Variants in PREX1 observed in about 807,000 individuals in gnomAD.
The protein encoded by PREX1 is phosphatidylinositol 3,4,5-trisphosphate-dependent Rac exchanger 1 protein.
A neutral mutation model predicts 198.3 loss-of-function variants in PREX1; 41 were observed. The ratio of observed to expected loss-of-function variants is 0.21; its 90% CI spans 0.16 to 0.27. PREX1 has a LOEUF of 0.27. Among genes scored for constraint, PREX1 ranks in the 10% least tolerant of loss-of-function variants. PREX1 has a pLI of 1.00. For missense variants in PREX1, 1,620 were observed against 2,200.7 expected, an observed-to-expected ratio of 0.74 and a Z score of 5.28; for synonymous variants, 843 against 887.2, an observed-to-expected ratio of 0.95 and a Z score of 0.89.
chr20:48,747,778 C>T lies in PREX1; in HGVS notation c.291+31G>A, dbSNP rs765975538. The T allele has an allele frequency of 3.1e-6, 5 of 1,591,198 alleles. No homozygotes were observed. In the Admixed American group the frequency reaches 6.7e-5, roughly 21 times the overall value. ...CAAGGCACAAAGCAACACAGATGCT[C>T]TAGAACAGGGGCCAGCCCCAGCGTC... is the stretch of plus-strand genomic sequence containing the variant. On this transcript the variant is annotated intron_variant, in intron 2 of 39. Coordinates refer to ENST00000371941, the MANE Select transcript of PREX1 (RefSeq NM_020820.4).
chr20:48,651,613 A>G (rs1158780504), intron 21 of PREX1, 30 bp from the exon 22 acceptor site: 1 of 1,596,904 alleles, frequency 6.3e-7, no homozygotes, highest in Non-Finnish European at 8.6e-7. Flanking sequence ...ACATCTGAGC[A>G]GAGATCAGAG....
chr20:48,740,232 C>T (rs1789443236), intron 3 of PREX1, among the ~76,000 whole-genome samples: 1 of 152,166 alleles, frequency 6.6e-6, no homozygotes, highest in African/African-American at 2.4e-5. Flanking sequence ...GGAGAGTGGA[C>T]CCAGCACCTC....
At chr20:48,755,504 G>C (rs553456947) in intron 1 of PREX1, among the ~76,000 whole-genome samples, 214 of 152,332 alleles carry the variant, frequency 1.4e-3, no homozygotes, top group African/African-American at 5.1e-3. Context: ...AAGTATCCTT[G>C]TGGGTTGGGG....
Position 48,827,233 on chromosome 20 carries a change from A to C in PREX1, c.219+409T>G, listed in dbSNP as rs1247702256. Among the ~76,000 whole-genome samples, 1 of 152,192 alleles carries C rather than the reference A, an allele frequency of 6.6e-6. No individual in the cohort carries two copies. The highest frequency in any genetic ancestry group is 1.9e-4 in the East Asian group (1 of 5,194). On this transcript the variant is annotated intron_variant, in intron 1 of 39. Coordinates refer to ENST00000371941, the MANE Select transcript of PREX1 (RefSeq NM_020820.4). This position sits in a 1 kb window ranked among gnomAD's most constrained non-coding sequence, Gnocchi z 4.1. Reference sequence around the variant, plus strand: ...CGTTGGGCTCTGGGGCTCCTACGGTATGTCCTAGATGAGTGGTGCACCGGG... The same window carrying C: ...CGTTGGGCTCTGGGGCTCCTACGGTCTGTCCTAGATGAGTGGTGCACCGGG...
intron 3 of PREX1, 130 bp downstream of exon 3, chr20:48,744,895 C>T: frequency 8.0e-7 from 1 of 1,256,960 alleles, no homozygotes; most frequent in South Asian, 1.5e-5. Flanking sequence ...GGCCCACCTG[C>T]CCACCTTGCT....
rs544510864 is a variant in PREX1, at chr20:48,783,677, G to T, written c.220-35797C>A. ...CGAGAGCCCACAGCACCCTGACACC[G>T]TGTCTCAATCATACCCTGCCTGTCT... On this transcript the variant is annotated intron_variant, in intron 1 of 39. Transcript: ENST00000371941. 2.6e-5 allele frequency among the ~76,000 whole-genome samples: 4 copies of T among 152,142 alleles called. No homozygotes were observed. The East Asian group carries it at 7.7e-4, about 29-fold the overall frequency.
At position 48,660,041 on chromosome 20, in the gene PREX1, T is replaced by C; in HGVS notation, c.1759A>G (p.Arg587Gly). 1 of 1,614,184 alleles carries C rather than the reference T, an allele frequency of 6.2e-7. No homozygotes were observed. Among genetic ancestry groups the C allele is most frequent in the Non-Finnish European group, 8.5e-7 (1 of 1,180,038 alleles). The change falls in exon 16 of 40, where the codon AGG becomes GGG. Residue 587 changes from arginine to glycine, a missense_variant. This residue lies in a region of PREX1 where 488 missense variants were observed against 802.5 expected (regional missense o/e 0.61). Transcript: ENST00000371941. ...MHHVLEKSEF[R>G]DESQYFRFHA... Reference sequence around the variant, plus strand: ...AAGCGGAAGTACTGGGACTCATCCCTGAACTCGCTCTTCTCCAGCACTGCA... The same window carrying C: ...AAGCGGAAGTACTGGGACTCATCCCCGAACTCGCTCTTCTCCAGCACTGCA...
intron 11 of PREX1, 139 bp from the exon 12 acceptor site, chr20:48,679,893 C>G (rs2089737595): frequency 1.5e-6 from 1 of 672,254 alleles, no homozygotes; most frequent in Non-Finnish European, 2.6e-6. Flanking sequence ...GGCTTCACTG[C>G]TGGCCAGGCT....
chr20:48,703,358 G>A (rs1469007368), intron 6 of PREX1, among the ~76,000 whole-genome samples: 2 of 152,188 alleles, frequency 1.3e-5, no homozygotes, highest in Admixed American at 1.3e-4. Flanking sequence ...TTGGCTGGGG[G>A]CCAGGTGGGC....
intron 1 of PREX1, among the ~76,000 whole-genome samples, chr20:48,817,040 A>G (rs1185255132): frequency 2.6e-5 from 4 of 152,340 alleles, no homozygotes; most frequent in Middle Eastern, 3.4e-3. Context: ...CAAAACTGCA[A>G]GGCTGTAAAT....
intron 1 of PREX1, among the ~76,000 whole-genome samples, chr20:48,757,844 C>T (rs1026074684): frequency 5.9e-5 from 9 of 152,158 alleles, no homozygotes; most frequent in South Asian, 4.1e-4. Context: ...TTTAAAAATA[C>T]GTGCATTGGC....
chr20:48,702,209 A>G lies in PREX1; in HGVS notation c.784-1323T>C, dbSNP rs1393634743. On this transcript the variant is annotated intron_variant, in intron 6 of 39. Coordinates refer to ENST00000371941, the MANE Select transcript of PREX1 (RefSeq NM_020820.4). Reference sequence around the variant, plus strand: ...GGCGACTGAGCAGGACTCTGTCTAAAAAAAAAAAAAAAAAAGATAAAGAGG... The same window carrying G: ...GGCGACTGAGCAGGACTCTGTCTAAGAAAAAAAAAAAAAAAGATAAAGAGG... Among the ~76,000 whole-genome samples, 305 of 150,670 alleles carry G rather than the reference A, an allele frequency of 2.0e-3. 2 individuals carry two copies. Among genetic ancestry groups the G allele is most frequent in the African/African-American group, 7.1e-3 (293 of 41,174 alleles).
chr20:48,809,789 C>T (rs2090426529), intron 1 of PREX1, among the ~76,000 whole-genome samples: 1 of 152,156 alleles, frequency 6.6e-6, no homozygotes, highest in Non-Finnish European at 1.5e-5. Flanking sequence ...GAGGAACCCA[C>T]TACTTCCTCC....
intron 20 of PREX1, 122 bp downstream of exon 20, chr20:48,653,239 A>G: frequency 2.1e-6 from 3 of 1,427,906 alleles, no homozygotes; most frequent in Non-Finnish European, 2.8e-6. Context: ...TTGGGTCAGC[A>G]GCTCCACCCT....
At chr20:48,856,460 A>G in the PREX1 span, among the ~76,000 whole-genome samples, 1 of 152,130 alleles carries the variant, frequency 6.6e-6, no homozygotes, top group African/African-American at 2.4e-5. Flanking sequence ...AAACATTCCC[A>G]TCCTCTCCTT....
intron 32 of PREX1, 127 bp from the exon 33 acceptor site, chr20:48,634,902 G>A (rs375802191): frequency 2.4e-5 from 17 of 717,914 alleles, no homozygotes; most frequent in African/African-American, 5.2e-5. Flanking sequence ...CAGGTCCTGA[G>A]CGTGACTCTC....
At chr20:48,774,273 C>T (rs1020518485) in intron 1 of PREX1, among the ~76,000 whole-genome samples, 1 of 152,232 alleles carries the variant, frequency 6.6e-6, no homozygotes, top group African/African-American at 2.4e-5. Flanking sequence ...TAGGCAGAGG[C>T]ATTCAGTGAA....
rs772499958 is a variant in PREX1 at position 48,651,631 on chromosome 20, G to A, written c.2468-48C>T. Reference sequence around the variant, plus strand: ...TCTGAGCAGAGATCAGAGGGAGGGAGGAAGGCGAGGCGAGGAGGATTCTGG... The same window carrying A: ...TCTGAGCAGAGATCAGAGGGAGGGAAGAAGGCGAGGCGAGGAGGATTCTGG... On this transcript the variant is annotated intron_variant, in intron 21 of 39. Coordinates refer to ENST00000371941, the MANE Select transcript of PREX1 (RefSeq NM_020820.4). 5.2e-5 allele frequency: 82 copies of A among 1,562,784 alleles called. 1 individual carries two copies. In the South Asian group the frequency reaches 8.2e-4, roughly 16 times the overall value.
At chr20:48,635,827 C>A (rs1326483632) in intron 32 of PREX1, among the ~76,000 whole-genome samples, 1 of 152,226 alleles carries the variant, frequency 6.6e-6, no homozygotes, top group Non-Finnish European at 1.5e-5. Context: ...AATGAAGGAA[C>A]TTGGCCCAGC....
Sources: gnomAD v4.1 joint callset for allele counts (sites outside exome capture counted in the v4.1 genomes callset) on GRCh38, gnomAD v4.1.1 for gene constraint, gnomAD v4.1.1 regional missense constraint, Gnocchi (gnomAD v3.1) non-coding constraint, MANE v1.5 for transcripts, NCBI Gene and HGNC (gene_info 2026-07-23, HGNC 2026-07-21) for gene names.